PRKAG2: variants seen among roughly 807,000 people sequenced by gnomAD.
The protein encoded by PRKAG2 is 5'-AMP-activated protein kinase subunit gamma-2.
PRKAG2 carries 26 observed loss-of-function variants against 69.6 expected under a neutral mutation model. That is an observed-to-expected ratio of 0.37 (90% CI 0.27 to 0.52). PRKAG2 has a LOEUF of 0.52. PRKAG2 is among the 20% of genes least tolerant of loss of function. The pLI is 0.90. For synonymous variants in PRKAG2, 293 were observed against 285.0 expected, an observed-to-expected ratio of 1.03 and a Z score of -0.28; for missense variants, 557 against 740.0, an observed-to-expected ratio of 0.75 and a Z score of 2.87.
chr7:151,739,677 C>T (rs2073733058), intron 3 of PRKAG2, among the ~76,000 whole-genome samples: 1 of 152,136 alleles, frequency 6.6e-6, no homozygotes, highest in East Asian at 1.9e-4. Flanking sequence ...CGCCATGTTG[C>T]CCAGGCTGGT....
chr7:151,634,836 T>C (rs1825443973), intron 4 of PRKAG2, among the ~76,000 whole-genome samples: 1 of 151,818 alleles, frequency 6.6e-6, no homozygotes, highest in African/African-American at 2.4e-5. Context: ...ACTGTTAAAA[T>C]GGCTAAAATC....
At chr7:151,687,964 G>A (rs1162357067) in intron 3 of PRKAG2, among the ~76,000 whole-genome samples, 1 of 151,662 alleles carries the variant, frequency 6.6e-6, no homozygotes, top group Non-Finnish European at 1.5e-5. Context: ...ATAGGGTGGA[G>A]CGGGTAGTGG....
At chr7:151,624,554 T>C (rs530558107) in intron 5 of PRKAG2, among the ~76,000 whole-genome samples, 1 of 152,296 alleles carries the variant, frequency 6.6e-6, no homozygotes, top group East Asian at 1.9e-4. Context: ...ATATCAGAGA[T>C]GAACCTGGCT....
chr7:151,804,445 T>C (rs1265951867), intron 1 of PRKAG2, among the ~76,000 whole-genome samples: 1 of 152,148 alleles, frequency 6.6e-6, no homozygotes, highest in Non-Finnish European at 1.5e-5. Context: ...GAACTCACTA[T>C]CACAGAACAG....
In PRKAG2 at chr7:151,699,811, G is replaced by A. The variant is rs1015757112; in HGVS notation, c.467-24174C>T. ...CAGCAAGGTGCTCAGGCCCTCAGAG[G>A]AGGCAGTGGGGAGGTTCTTGATATA... On this transcript the variant is annotated intron_variant, in intron 3 of 15. Coordinates refer to ENST00000287878, the MANE Select transcript of PRKAG2 (RefSeq NM_016203.4). This position sits in a 1 kb window ranked among gnomAD's most constrained non-coding sequence, Gnocchi z 4.5. Among the ~76,000 whole-genome samples the A allele has an allele frequency of 7.2e-5, 11 of 152,176 alleles. No individual in the cohort carries two copies. Among genetic ancestry groups the A allele is most frequent in the African/African-American group, 2.2e-4 (9 of 41,436 alleles).
chr7:151,875,578 T>G (rs879641569), intron 1 of PRKAG2, among the ~76,000 whole-genome samples: 2,863 of 101,348 alleles, frequency 0.028, 46 homozygotes, highest in Non-Finnish European at 0.034. Context: ...TGTGTGTGTG[T>G]GTGTGTGTGT....
At chr7:151,717,815 G>A (rs1796408318) in intron 3 of PRKAG2, among the ~76,000 whole-genome samples, 1 of 152,230 alleles carries the variant, frequency 6.6e-6, no homozygotes. Context: ...TAAAGTTGAT[G>A]AGCCACCCTG....
In PRKAG2 at chr7:151,806,726, G is replaced by C; in HGVS notation, c.115-20185C>G. 2 of 311,528 alleles carry C rather than the reference G, an allele frequency of 6.4e-6. 1 individual carries two copies. Among genetic ancestry groups the C allele is most frequent in the South Asian group, 5.3e-5 (2 of 37,526 alleles). The allele number at this position is 311,528 out of a possible 1,614,324, so 19.3% of individuals were successfully genotyped here. A position where few individuals can be genotyped will look rare whatever the true frequency, so the allele number is the denominator to read the frequency against. On this transcript the variant is annotated intron_variant, in intron 1 of 15. Transcript: ENST00000287878. ...CTCACACCTGTAACCTGAGGACTTT[G>C]AGGTGGAGACGGGCAGACCACCTGA...
At chr7:151,593,124 G>C (rs147510769) in intron 6 of PRKAG2, among the ~76,000 whole-genome samples, 1 of 152,318 alleles carries the variant, frequency 6.6e-6, no homozygotes, top group East Asian at 1.9e-4. Flanking sequence ...CTAGGGTTTA[G>C]CCAAAATGAG....
At chr7:151,682,374 G>A (rs1020696280) in intron 3 of PRKAG2, among the ~76,000 whole-genome samples, 1 of 151,966 alleles carries the variant, frequency 6.6e-6, no homozygotes, top group Non-Finnish European at 1.5e-5. Context: ...CTGAGTAGCC[G>A]GAACTCCAGG....
At position 151,771,347 on chromosome 7, in the gene PRKAG2, C is replaced by T. The variant is rs946036094; in HGVS notation, c.466+9805G>A. On this transcript the variant is annotated intron_variant, in intron 3 of 15. Coordinates refer to ENST00000287878, the MANE Select transcript of PRKAG2 (RefSeq NM_016203.4). This position sits in a 1 kb window ranked among gnomAD's most constrained non-coding sequence, Gnocchi z 4.0. ...CTGATGCTTTCAAAATCCCCACGTC[C>T]CAAACTCAGCACCATTAAATTGGAG... is the stretch of plus-strand genomic sequence containing the variant. Among the ~76,000 whole-genome samples the T allele has an allele frequency of 2.0e-5, 3 of 152,178 alleles. No homozygotes were observed. Among genetic ancestry groups the T allele is most frequent in the African/African-American group, 7.2e-5 (3 of 41,446 alleles).
At chr7:151,792,530 G>A (rs528920695) in intron 1 of PRKAG2, among the ~76,000 whole-genome samples, 1 of 152,358 alleles carries the variant, frequency 6.6e-6, no homozygotes, top group African/African-American at 2.4e-5. Context: ...GGTGCTAAGT[G>A]TATATCGATC....
chr7:151,557,469 CAAAAA>C (rs199780905), intron 15 of PRKAG2: 1 of 965,952 alleles, frequency 1.0e-6, no homozygotes, highest in South Asian at 4.8e-5. Context: ...ACTTGGAAAA[CAAAAA>C]AAAAGAATTC....
chr7:151,606,562 G>A lies in PRKAG2; in HGVS notation c.755-11108C>T, dbSNP rs924968622. Among the ~76,000 whole-genome samples the A allele has an allele frequency of 4.6e-5, 7 of 152,328 alleles. No individual in the cohort carries two copies. The East Asian group carries it at 5.8e-4, about 13-fold the overall frequency. On this transcript the variant is annotated intron_variant, in intron 5 of 15. Transcript: ENST00000287878. ...TGGCCGCGTGCGGTGGCTCACGCCT[G>A]TAATCCCAGCATTTTGGGAGGCTGA...
chr7:151,826,191 GT>G (rs5888454), intron 1 of PRKAG2, among the ~76,000 whole-genome samples: 1 of 149,664 alleles, frequency 6.7e-6, no homozygotes, highest in Non-Finnish European at 1.5e-5. Context: ...TTTTGTTGTT[GT>G]TTTTTTTTGA....
intron 1 of PRKAG2, among the ~76,000 whole-genome samples, chr7:151,854,680 C>G (rs1028439220): frequency 4.6e-5 from 7 of 152,226 alleles, no homozygotes; most frequent in Non-Finnish European, 7.4e-5. Flanking sequence ...CTCAGCCTTC[C>G]TGGCTCCCAC....
chr7:151,845,530 G>A (rs2079410097), intron 1 of PRKAG2, among the ~76,000 whole-genome samples: 1 of 152,134 alleles, frequency 6.6e-6, no homozygotes. Flanking sequence ...CCTAACTATT[G>A]TTGAGGAGGG....
intron 5 of PRKAG2, among the ~76,000 whole-genome samples, chr7:151,631,217 T>C (rs1010511646): frequency 1.3e-5 from 2 of 152,210 alleles, no homozygotes; most frequent in South Asian, 2.1e-4. Context: ...CACAAGACAG[T>C]GTGAACGCCT....
chr7:151,839,442 G>C (rs1449184767), intron 1 of PRKAG2, among the ~76,000 whole-genome samples: 2 of 152,210 alleles, frequency 1.3e-5, no homozygotes, highest in Non-Finnish European at 2.9e-5. Context: ...AGACAAGGAT[G>C]ATGGTCCATG....
Sources: allele counts gnomAD v4.1 joint callset (sites outside exome capture counted in the v4.1 genomes callset), GRCh38; gene constraint gnomAD v4.1.1; non-coding constraint Gnocchi (gnomAD v3.1); transcripts MANE v1.5; gene names NCBI Gene and HGNC (gene_info 2026-07-23, HGNC 2026-07-21).